SGCE: variants seen among roughly 807,000 people sequenced by gnomAD.
SGCE encodes epsilon-sarcoglycan.
In SGCE, 26 loss-of-function variants were observed where a neutral mutation model predicts 57.8. That is an observed-to-expected ratio of 0.45 (90% CI 0.33 to 0.62). The LOEUF (loss-of-function observed/expected upper bound fraction) is 0.62. Among genes scored for constraint, SGCE ranks in the 20% least tolerant of loss-of-function variants. SGCE has a pLI of 0.02. For missense variants in SGCE, 468 were observed against 548.6 expected (o/e 0.85, Z 1.47); for synonymous variants, 183 against 189.5 (o/e 0.97, Z 0.28).
At chr7:94,626,131 T>G (rs994926982) in intron 3 of SGCE, 9 of 152,128 alleles carry the variant, frequency 5.9e-5, no homozygotes, top group African/African-American at 2.2e-4. Context: ...TAGTGAAATA[T>G]CTGTTTCTTA....
At chr7:94,625,360 CTTT>C (rs536548528) in intron 3 of SGCE, 1 of 151,594 alleles carries the variant, frequency 6.6e-6, no homozygotes, top group Non-Finnish European at 1.5e-5. Context: ...GGTAAACTTT[CTTT>C]TTTTTATCTT....
chr7:94,599,080 C>T (rs1798836361), intron 8 of SGCE, 117 bp from the exon 9 acceptor site: 2 of 703,288 alleles, frequency 2.8e-6, no homozygotes, highest in Non-Finnish European at 4.7e-6. Flanking sequence ...GACATTATGG[C>T]ACTTTGGGCA....
chr7:94,588,464 G>A, intron 10 of SGCE: 1 of 1,355,058 alleles, frequency 7.4e-7, no homozygotes, highest in African/African-American at 1.5e-5. Context: ...GGACCTCCAT[G>A]GATGCTTTTG....
chr7:94,590,731 A>C (rs1330875009), intron 9 of SGCE: 1 of 152,170 alleles, frequency 6.6e-6, no homozygotes, highest in Non-Finnish European at 1.5e-5. Flanking sequence ...GAAACAAGGG[A>C]GTTAGGAATC....
chr7:94,615,365 AATAGATAGATAG>A (rs3045711), intron 5 of SGCE, among the ~76,000 whole-genome samples: 22,392 of 142,182 alleles, frequency 0.16, 1,889 homozygotes, highest in African/African-American at 0.2. Flanking sequence ...TCTCAAAATA[AATAGATAGATAG>A]ATAGATAGAT....
At chr7:94,655,879 A>G (rs1808583637) in intron 1 of SGCE, 111 bp downstream of exon 1, 2 of 706,860 alleles carry the variant, frequency 2.8e-6, no homozygotes, top group East Asian at 2.7e-5. Context: ...CGGGACAGAA[A>G]GAGAGGCTGG....
intron 9 of SGCE, 178 bp from the exon 10 acceptor site, chr7:94,588,910 A>G: frequency 1.6e-6 from 1 of 644,570 alleles, no homozygotes; most frequent in Non-Finnish European, 2.7e-6. Flanking sequence ...TGAGGAGAAT[A>G]AAAATTAACA....
intron 1 of SGCE, among the ~76,000 whole-genome samples, chr7:94,648,539 G>A (rs1413900631): frequency 2.6e-5 from 4 of 151,966 alleles, no homozygotes; most frequent in Admixed American, 6.6e-5. Context: ...GCAGTAAAAC[G>A]GTTAGATGAA....
At position 94,618,970 on chromosome 7, in the gene SGCE, A is replaced by T. The variant is rs187568437; in HGVS notation, c.464-14T>A. The T allele has an allele frequency of 1.0e-5, 16 of 1,564,270 alleles. No homozygotes were observed. In the African/African-American group the frequency reaches 1.9e-4, roughly 19 times the overall value. On this transcript the variant is annotated splice_polypyrimidine_tract_variant and intron_variant, in intron 4 of 10. Coordinates refer to ENST00000648936, the MANE Select transcript of SGCE (RefSeq NM_003919.3). ...GCAACGGGAAGTCTAATTTTGGTGAAAAAGGGCATGCATATCTTTAATGAA... is the reference window on the plus strand; with the variant it reads ...GCAACGGGAAGTCTAATTTTGGTGATAAAGGGCATGCATATCTTTAATGAA...
intron 1 of SGCE, among the ~76,000 whole-genome samples, chr7:94,653,819 T>C (rs1486130325): frequency 1.3e-5 from 2 of 151,928 alleles, no homozygotes. Context: ...TTCTTCTCAG[T>C]TTTCTGGTTT....
chr7:94,626,935 C>T (rs1803809037), intron 3 of SGCE: 1 of 151,988 alleles, frequency 6.6e-6, no homozygotes, highest in South Asian at 2.1e-4. Context: ...TTTTCCATAA[C>T]TATCATGACA....
At chr7:94,595,811 G>A (rs1008717495) in intron 9 of SGCE, among the ~76,000 whole-genome samples, 1 of 151,940 alleles carries the variant, frequency 6.6e-6, no homozygotes, top group Non-Finnish European at 1.5e-5. Flanking sequence ...CACATATTCT[G>A]GCTTATAGGG....
In SGCE at chr7:94,598,973, A is replaced by G; in HGVS notation, c.1065-10T>C. 6.2e-7 allele frequency: 1 copy of G among 1,607,360 alleles called. No homozygotes were observed. The highest frequency in any genetic ancestry group is 8.5e-7 in the Non-Finnish European group (1 of 1,174,334). On this transcript the variant is annotated splice_polypyrimidine_tract_variant and intron_variant, in intron 8 of 10. Transcript: ENST00000648936. ...ATGGACCAGTTGGATGCTAGGTCAAAAAGAAATAAAACAACATATATTTAA... is the reference window on the plus strand; with the variant it reads ...ATGGACCAGTTGGATGCTAGGTCAAGAAGAAATAAAACAACATATATTTAA...
At chr7:94,591,024 GTTAC>G (rs1476505760) in intron 9 of SGCE, among the ~76,000 whole-genome samples, 1 of 152,066 alleles carries the variant, frequency 6.6e-6, no homozygotes, top group Non-Finnish European at 1.5e-5. Flanking sequence ...ATTTGAGGAA[GTTAC>G]TTAATAATTC....
At chr7:94,628,974 G>GCTAA (rs1433994381) in intron 2 of SGCE, 3 of 152,670 alleles carry the variant, frequency 2.0e-5, no homozygotes, top group Non-Finnish European at 4.4e-5. Context: ...TAGGAACATG[G>GCTAA]CTAACTATAT....
At chr7:94,604,806 AATATATAT>A (rs59162734) in intron 5 of SGCE, among the ~76,000 whole-genome samples, 581 of 44,002 alleles carry the variant, frequency 0.013, 7 homozygotes, top group African/African-American at 0.027. Context: ...ATGGTGCTGG[AATATATAT>A]ATATATATAT....
In SGCE at chr7:94,656,082, C is replaced by T; in HGVS notation, c.17G>A (p.Trp6Ter). Residue 6 changes from tryptophan to a stop codon, truncating the protein, a stop_gained, in exon 1 of 11, where the codon TGG (tryptophan) becomes TAG (stop). Transcript: ENST00000648936. LOFTEE classifies it high-confidence loss of function. ...AGCACAGGGGTCTCCCAGCTCCCAC[C>T]ACCGGGGCAATTGCATTCTTGGCCT... is the stretch of plus-strand genomic sequence containing the variant. MQLPR[W>*]WELGDPCAWT... 6.2e-7 allele frequency: 1 copy of T among 1,611,060 alleles called. No homozygotes were observed. Among genetic ancestry groups the T allele is most frequent in the South Asian group, 1.1e-5 (1 of 91,008 alleles).
intron 1 of SGCE, among the ~76,000 whole-genome samples, chr7:94,634,856 T>C (rs536775081): frequency 3.9e-5 from 6 of 152,286 alleles, no homozygotes; most frequent in African/African-American, 1.4e-4. Flanking sequence ...AATAAATAGG[T>C]GTACAATTGA....
intron 9 of SGCE, chr7:94,589,808 T>G (rs1797424845): frequency 1.1e-5 from 2 of 185,492 alleles, no homozygotes; most frequent in Middle Eastern, 2.2e-3. Flanking sequence ...CTCCCACTGA[T>G]TCTACATTAT....
Sources: allele counts gnomAD v4.1 joint callset (sites outside exome capture counted in the v4.1 genomes callset), GRCh38; gene constraint gnomAD v4.1.1; transcripts MANE v1.5; gene names NCBI Gene and HGNC (gene_info 2026-07-23, HGNC 2026-07-21).